Variants in TCF20 observed in about 807,000 individuals in gnomAD.
TCF20 encodes SPRE-binding protein.
A neutral mutation model predicts 148.6 loss-of-function variants in TCF20; 3 were observed. The ratio of observed to expected loss-of-function variants is 0.02; its 90% confidence interval spans 0.01 to 0.05. The LOEUF is 0.05. TCF20 is among the 10% of genes least tolerant of loss of function. The pLI is 1.00. For synonymous variants in TCF20, 1,049 were observed against 909.5 expected (o/e 1.15, Z -2.76); for missense variants, 2,350 against 2,429.3 (o/e 0.97, Z 0.69).
chr22:42,313,622 C>T (rs1927576306), intron 1 of TCF20, among the ~76,000 whole-genome samples: 1 of 118,140 alleles, frequency 8.5e-6, no homozygotes, highest in Non-Finnish European at 1.7e-5. Flanking sequence ...TTTTTTGAGA[C>T]AGAGTCTCGC....
chr22:42,206,439 C>T (rs1938390694), intron 2 of TCF20, among the ~76,000 whole-genome samples: 3 of 152,132 alleles, frequency 2.0e-5, no homozygotes, highest in African/African-American at 4.8e-5. Flanking sequence ...CCACCAAATA[C>T]TGTGACTTTC....
intron 2 of TCF20, among the ~76,000 whole-genome samples, chr22:42,182,790 G>A (rs1936844553): frequency 6.6e-6 from 1 of 152,224 alleles, no homozygotes; most frequent in African/African-American, 2.4e-5. Flanking sequence ...AGGCTAGAGT[G>A]CAGTGGCACA....
intron 1 of TCF20, among the ~76,000 whole-genome samples, chr22:42,239,077 CACTGCACT>C (rs962189623): frequency 2.0e-4 from 31 of 151,742 alleles, no homozygotes; most frequent in Non-Finnish European, 3.8e-4. Flanking sequence ...GAAATCGCAC[CACTGCACT>C]CCAGCCTGGG....
At chr22:42,243,543 A>G (rs1306346879) in intron 1 of TCF20, among the ~76,000 whole-genome samples, 1 of 152,112 alleles carries the variant, frequency 6.6e-6, no homozygotes, top group African/African-American at 2.4e-5. Context: ...TGGAGGTTGC[A>G]GTGAGCTGAG....
intron 1 of TCF20, among the ~76,000 whole-genome samples, chr22:42,326,103 C>T (rs571774319): frequency 2.6e-5 from 4 of 152,122 alleles, no homozygotes; most frequent in African/African-American, 9.6e-5. Flanking sequence ...AAGGAGCCAA[C>T]TCCCCCCAGG....
rs145992713 is a variant in TCF20 at position 42,240,601 on chromosome 22, G to T, written c.-36-25260C>A. On this transcript the variant is annotated intron_variant, in intron 1 of 5. Coordinates refer to ENST00000677622, the MANE Select transcript of TCF20 (RefSeq NM_001378418.1). ...ATCCTGAAAAAGATGGAAATCCAAA[G>T]AAAGAGGCAAGACCTGGGGGCATTT... Among the ~76,000 whole-genome samples the T allele has an allele frequency of 5.6e-4, 86 of 152,262 alleles. 1 individual carries two copies. The East Asian group carries it at 0.012, about 20-fold the overall frequency.
rs935030301 is a variant in TCF20 at position 42,270,617 on chromosome 22, T to C, written c.-315A>G. Among the ~76,000 whole-genome samples, 1 of 134,876 alleles carries C rather than the reference T, an allele frequency of 7.4e-6. No homozygotes were observed. Among genetic ancestry groups the C allele is most frequent in the African/African-American group, 2.7e-5 (1 of 36,440 alleles). 88.5% of individuals were successfully genotyped at this position (134,876 alleles called of 152,430 possible). On this transcript the variant is annotated 5_prime_UTR_variant, in exon 1 of 6. Transcript: ENST00000677622. ...GGGCCGAAAGCGGCTGGGCTCGGGGTTTTTTCTCTCCATTCTCCCAACACA... is the reference window on the plus strand; with the variant it reads ...GGGCCGAAAGCGGCTGGGCTCGGGGCTTTTTCTCTCCATTCTCCCAACACA...
chr22:42,241,828 T>C (rs1924430760), intron 1 of TCF20, among the ~76,000 whole-genome samples: 1 of 149,056 alleles, frequency 6.7e-6, no homozygotes, highest in Admixed American at 6.7e-5. Context: ...AGTGAGACTC[T>C]TGTCTCAAAA....
Position 42,212,238 on chromosome 22 carries a change from C to T in TCF20, c.3068G>A (p.Ser1023Asn), listed in dbSNP as rs745589180. The change falls in exon 2 of 6, where the codon AGC becomes AAC. Residue 1023 changes from serine (S) to asparagine (N), a missense_variant. Ser to Asn is a conservative substitution (Grantham distance 46). Around this residue, in one of 7 missense-constraint regions of TCF20, gnomAD observed 1,641 missense variants for 1,662.6 expected, o/e 0.99. Coordinates refer to ENST00000677622, the MANE Select transcript of TCF20 (RefSeq NM_001378418.1). The stretch of plus-strand genomic sequence containing the variant: ...ATGAGGGTCTCCCCCTGGGCCTCTG[C>T]TCCGCCCAGGAGACATTTTCAATTT... ...AEKLKMSPGR[S>N]RGPGGDPHHM... 8 of 1,614,214 alleles carry T rather than the reference C, an allele frequency of 5.0e-6. No homozygotes were observed. The highest frequency in any genetic ancestry group is 2.7e-5 in the African/African-American group (2 of 75,046).
Position 42,210,763 on chromosome 22 carries a change from C to T in TCF20, c.4543G>A (p.Glu1515Lys). 6.2e-7 allele frequency: 1 copy of T among 1,614,202 alleles called. No homozygotes were observed. The highest frequency in any genetic ancestry group is 8.5e-7 in the Non-Finnish European group (1 of 1,180,046). ...GGTGAAATCGTCACTGTATCGTTCTCCTTCTCTTCAGCCTTGGGGTTTGCC... is the reference window on the plus strand; with the variant it reads ...GGTGAAATCGTCACTGTATCGTTCTTCTTCTCTTCAGCCTTGGGGTTTGCC... Reference protein sequence around the residue: ...PEANPKAEEKENDTVTISPKQ... With the variant: ...PEANPKAEEKKNDTVTISPKQ... Residue 1515 changes from glutamate to lysine, a missense_variant, in exon 2 of 6, where the codon GAG (glutamate) becomes AAG (lysine). Glu to Lys is a moderately conservative substitution (Grantham distance 56, BLOSUM62 1). Transcript: ENST00000677622. This position sits in a 1 kb window ranked among gnomAD's most constrained non-coding sequence, Gnocchi z 4.7.
At chr22:42,215,467 A>T (rs922903311) in intron 1 of TCF20, 126 bp from the exon 2 acceptor site, 49 of 1,012,672 alleles carry the variant, frequency 4.8e-5, no homozygotes, top group South Asian at 9.3e-5. Flanking sequence ...TTGAATTTCT[A>T]TTTTTTTTTT....
chr22:42,196,871 G>A (rs945965793), intron 2 of TCF20, among the ~76,000 whole-genome samples: 10 of 152,242 alleles, frequency 6.6e-5, no homozygotes, highest in African/African-American at 2.4e-4. Flanking sequence ...ATTTGAGTTC[G>A]GCTGGAAATT....
intron 2 of TCF20, among the ~76,000 whole-genome samples, chr22:42,197,553 A>G (rs967520679): frequency 2.4e-4 from 37 of 152,134 alleles, no homozygotes; most frequent in African/African-American, 8.7e-4. Flanking sequence ...CGATCTCCTG[A>G]CCTTGTGATC....
At chr22:42,266,082 TAA>T (rs134876) in intron 1 of TCF20, among the ~76,000 whole-genome samples, 238 of 141,466 alleles carry the variant, frequency 1.7e-3, no homozygotes, top group African/African-American at 2.9e-3. Context: ...GCTTTAAAAT[TAA>T]AAAAAAAAAA....
intron 1 of TCF20, among the ~76,000 whole-genome samples, chr22:42,258,786 C>T (rs142198376): frequency 7.2e-4 from 110 of 152,172 alleles, no homozygotes; most frequent in African/African-American, 2.6e-3. Context: ...TTCAGTAGGC[C>T]AGGTGCATTA....
chr22:42,260,968 T>C (rs1925996849), intron 1 of TCF20, among the ~76,000 whole-genome samples: 1 of 152,204 alleles, frequency 6.6e-6, no homozygotes, highest in East Asian at 1.9e-4. Flanking sequence ...TATCAAGACC[T>C]AACCATTTCT....
chr22:42,280,408 C>G (rs866352829), intron 1 of TCF20, among the ~76,000 whole-genome samples: 1 of 152,230 alleles, frequency 6.6e-6, no homozygotes. Context: ...GCCTCACACT[C>G]CAGCCATCCA....
At chr22:42,265,910 G>C (rs1422347970) in intron 1 of TCF20, among the ~76,000 whole-genome samples, 1 of 152,112 alleles carries the variant, frequency 6.6e-6, no homozygotes, top group African/African-American at 2.4e-5. Context: ...TATGAAAAGA[G>C]AAATTTTTTC....
intron 1 of TCF20, among the ~76,000 whole-genome samples, chr22:42,280,265 G>A (rs1926871442): frequency 1.3e-5 from 2 of 152,198 alleles, no homozygotes; most frequent in South Asian, 4.1e-4. Context: ...CACAGCTAGG[G>A]AAATCGAAGT....
Sources: gnomAD v4.1 joint callset for allele counts (sites outside exome capture counted in the v4.1 genomes callset) on GRCh38, gnomAD v4.1.1 for gene constraint, gnomAD v4.1.1 regional missense constraint, Gnocchi (gnomAD v3.1) non-coding constraint, MANE v1.5 for transcripts, NCBI Gene and HGNC (gene_info 2026-07-23, HGNC 2026-07-21) for gene names.